The following NLRC3 variants were observed in gnomAD, a reference collection of about 807,000 sequenced individuals.
The protein encoded by NLRC3 is NLR family CARD domain-containing protein 3.
NLRC3 carries 87 observed loss-of-function variants against 91.6 expected under a neutral mutation model. That is an observed-to-expected ratio of 0.95 (90% CI 0.80 to 1.14). NLRC3 has a LOEUF of 1.14. Among genes scored for constraint, NLRC3 ranks in the 50% most tolerant of loss-of-function variants. NLRC3 has a pLI of 0.00. For synonymous variants in NLRC3, 694 were observed against 625.3 expected (o/e 1.11, Z -1.64); for missense variants, 1,577 against 1,418.6 (o/e 1.11, Z -1.79).
At chr16:3,562,698 C>T (rs570375728) in intron 5 of NLRC3, among the ~76,000 whole-genome samples, 11 of 147,358 alleles carry the variant, frequency 7.5e-5, no homozygotes, top group Admixed American at 1.3e-4. Context: ...GATGACCAGG[C>T]GACGGGAGAG....
At position 3,563,756 on chromosome 16, in the gene NLRC3, C is replaced by G; in HGVS notation, c.1181G>C (p.Arg394Pro). Residue 394 changes from arginine to proline, a missense_variant, in exon 5 of 20, where the codon CGC becomes CCC. By Grantham distance (103) the Arg-to-Pro change is moderately radical. Coordinates refer to ENST00000359128, the MANE Select transcript of NLRC3 (RefSeq NM_178844.4). ...ACGGCCCAATGTCCCCACCATCTTG[C>G]GGCCACCATGGGCCACCTGCTCGAT... ...PRIEQVAHGG[R>P]KMVGTLGRLA... 2 of 1,613,324 alleles carry G rather than the reference C, an allele frequency of 1.2e-6. No individual in the cohort carries two copies. Among genetic ancestry groups the G allele is most frequent in the Non-Finnish European group, 1.7e-6 (2 of 1,179,726 alleles).
chr16:3,558,548 G>A (rs1363238810), intron 6 of NLRC3, among the ~76,000 whole-genome samples: 1 of 151,162 alleles, frequency 6.6e-6, no homozygotes, highest in Non-Finnish European at 1.5e-5. Flanking sequence ...AAATGGTAGA[G>A]TTATTTAAAA....
In NLRC3 at chr16:3,564,165, A is replaced by G. The variant is rs745462806; in HGVS notation, c.772T>C (p.Phe258Leu). The part of the protein sequence containing the change: ...LITNIIRGNL[F>L]PEVSIWITSR... ...GTGATCCAGATGGAAACTTCCGGAAAGAGGTTGCCACGGATGATGTTGGTG... is the reference window on the plus strand; with the variant it reads ...GTGATCCAGATGGAAACTTCCGGAAGGAGGTTGCCACGGATGATGTTGGTG... The change falls in exon 5 of 20, where the codon TTT becomes CTT. Residue 258 changes from phenylalanine (F) to leucine (L), a missense_variant. Coordinates refer to ENST00000359128, the MANE Select transcript of NLRC3 (RefSeq NM_178844.4). This position sits in a 1 kb window ranked among gnomAD's most constrained non-coding sequence, Gnocchi z 5.9. 4.3e-6 allele frequency: 7 copies of G among 1,613,674 alleles called. No individual in the cohort carries two copies. In the East Asian group the frequency reaches 6.7e-5, roughly 15 times the overall value.
chr16:3,543,665 C>A, intron 16 of NLRC3, 157 bp from the exon 17 acceptor site: 1 of 620,402 alleles, frequency 1.6e-6, no homozygotes, highest in South Asian at 1.8e-5. Flanking sequence ...CATCTCCTAC[C>A]TACACTGTCT....
chr16:3,564,066 C>T lies in NLRC3; in HGVS notation c.871G>A (p.Glu291Lys), dbSNP rs760696004. The T allele has an allele frequency of 8.1e-6, 13 of 1,613,098 alleles. No individual in the cohort carries two copies. The highest frequency in any genetic ancestry group is 4.5e-5 in the East Asian group (2 of 44,904). ...DRMTEIRGFNEEEIKVCLEQM... is the reference protein window; with the variant it reads ...DRMTEIRGFNKEEIKVCLEQM... ...TCCAAACACACCTTGATCTCCTCCTCGTTAAAGCCCCGGATCTCCGTCATC... is the reference window on the plus strand; with the variant it reads ...TCCAAACACACCTTGATCTCCTCCTTGTTAAAGCCCCGGATCTCCGTCATC... Residue 291 changes from glutamate to lysine, a missense_variant, in exon 5 of 20, where the codon GAG becomes AAG. Transcript: ENST00000359128. This position sits in a 1 kb window ranked among gnomAD's most constrained non-coding sequence, Gnocchi z 5.9.
chr16:3,572,935 C>T lies in NLRC3; in HGVS notation c.-169+4214G>A, dbSNP rs1013797566. 5.3e-5 allele frequency among the ~76,000 whole-genome samples: 8 copies of T among 150,932 alleles called. No homozygotes were observed. The South Asian group carries it at 1.3e-3, about 24-fold the overall frequency. On this transcript the variant is annotated intron_variant, in intron 1 of 19. Coordinates refer to ENST00000359128, the MANE Select transcript of NLRC3 (RefSeq NM_178844.4). ...GGCTGAGGCAGGGAATTGCTTGAACCCAGGAGGTGGAGGTTGCAGTGAGCC... is the reference window on the plus strand; with the variant it reads ...GGCTGAGGCAGGGAATTGCTTGAACTCAGGAGGTGGAGGTTGCAGTGAGCC...
intron 8 of NLRC3, 50 bp downstream of exon 8, chr16:3,556,861 T>C: frequency 7.5e-7 from 1 of 1,338,064 alleles, no homozygotes; most frequent in Non-Finnish European, 1.1e-6. Context: ...AGGAGAGGGT[T>C]TTCTGGGCCC....
intron 17 of NLRC3, 145 bp downstream of exon 17, chr16:3,543,280 G>A: frequency 3.0e-6 from 2 of 662,148 alleles, no homozygotes; most frequent in African/African-American, 1.8e-5. Flanking sequence ...ATGAAGTGGG[G>A]CTGGGAAACT....
chr16:3,565,268 C>T (rs1454958957), intron 3 of NLRC3, 51 bp downstream of exon 3: 24 of 690,564 alleles, frequency 3.5e-5, no homozygotes, highest in Non-Finnish European at 5.5e-5. Context: ...TGCAGGGGCC[C>T]AGTGGATGAT....
chr16:3,541,774 CA>C lies in NLRC3; in HGVS notation c.*50del. ...CCCCCCAGAAGTCGGCCTTTCTGTT[CA>C]AAAGCTTCCAGCTGAGCATCTGCCC... is the stretch of plus-strand genomic sequence containing the variant. On this transcript the variant is annotated 3_prime_UTR_variant, in exon 20 of 20. Transcript: ENST00000359128. The C allele has an allele frequency of 7.6e-7, 1 of 1,319,564 alleles. No homozygotes were observed. Among genetic ancestry groups the C allele is most frequent in the Non-Finnish European group, 1.1e-6 (1 of 924,874 alleles). 81.7% of individuals were successfully genotyped at this position (1,319,564 alleles called of 1,614,324 possible).
chr16:3,560,378 G>A (rs1179342036), intron 6 of NLRC3, among the ~76,000 whole-genome samples: 4 of 151,960 alleles, frequency 2.6e-5, no homozygotes, highest in Non-Finnish European at 5.9e-5. Flanking sequence ...AGCCAAGATC[G>A]TGCCACTGCA....
chr16:3,567,327 A>C lies in NLRC3; in HGVS notation c.-168-3T>G, dbSNP rs887398671. ...TCAGCCTTCCGTTGTCCACAGTTCTAGGAGAAAAAACACAATGTGGCCAGC... is the reference window on the plus strand; with the variant it reads ...TCAGCCTTCCGTTGTCCACAGTTCTCGGAGAAAAAACACAATGTGGCCAGC... On this transcript the variant is annotated splice_polypyrimidine_tract_variant and splice_region_variant and intron_variant, in intron 1 of 19. Coordinates refer to ENST00000359128, the MANE Select transcript of NLRC3 (RefSeq NM_178844.4). 6.6e-6 allele frequency: 1 copy of C among 152,206 alleles called. No homozygotes were observed. Among genetic ancestry groups the C allele is most frequent in the Admixed American group, 6.6e-5 (1 of 15,264 alleles). The allele number at this position is 152,206 out of a possible 1,614,324, so 9.4% of individuals were successfully genotyped here.
intron 15 of NLRC3, among the ~76,000 whole-genome samples, chr16:3,547,604 GTGTATATA>G (rs1233696109): frequency 1.3e-5 from 2 of 152,030 alleles, no homozygotes; most frequent in African/African-American, 2.4e-5. Context: ...ATATATGTAT[GTGTATATA>G]TGTATATGTG....
chr16:3,550,332 C>A (rs1397460919), intron 11 of NLRC3, 82 bp downstream of exon 11: 12 of 876,416 alleles, frequency 1.4e-5, no homozygotes, highest in Non-Finnish European at 2.3e-5. Context: ...CCCTGGGGGA[C>A]AGCCATTTTT....
Position 3,577,261 on chromosome 16 carries a change from G to GGAATCCCTGTGGCA in NLRC3, c.-282_-281insTGCCACAGGGATTC. 1 of 699,836 alleles carries GGAATCCCTGTGGCA rather than the reference G, an allele frequency of 1.4e-6. No homozygotes were observed. Among genetic ancestry groups the GGAATCCCTGTGGCA allele is most frequent in the African/African-American group, 1.7e-5 (1 of 57,322 alleles). 43.4% of individuals were successfully genotyped at this position (699,836 alleles called of 1,614,324 possible). A position where few individuals can be genotyped will look rare whatever the true frequency, so the allele number is the denominator to read the frequency against. On this transcript the variant is annotated 5_prime_UTR_variant, in exon 1 of 20. Transcript: ENST00000359128. Reference sequence around the variant, plus strand: ...CAGCTGCGTGGTGGTAGATGCCCTGGGAATCCCTGTGCCAGCCTGAGTTCT... The same window carrying GGAATCCCTGTGGCA: ...CAGCTGCGTGGTGGTAGATGCCCTGGGAATCCCTGTGGCAGAATCCCTGTGCCAGCCTGAGTTCT...
rs1301713954 is a variant in NLRC3, at chr16:3,543,475, G to C, written c.2889C>G (p.Ala963=). ...CAGCCAAGGCTTCCCCTAGCACCTG[G>C]GCGCCTGAAGCACCAATTGAGGCCA... The part of the protein sequence containing the change: ...LQVASIGASG[A]QVLGEALAVN... Residue 963 remains alanine (A), a synonymous_variant, in exon 17 of 20, where the codon GCC becomes GCG. Coordinates refer to ENST00000359128, the MANE Select transcript of NLRC3 (RefSeq NM_178844.4). The C allele has an allele frequency of 1.9e-6, 3 of 1,613,288 alleles. No individual in the cohort carries two copies. In the South Asian group the frequency reaches 3.3e-5, roughly 18 times the overall value.
chr16:3,555,298 A>C (rs1345569114), intron 8 of NLRC3, among the ~76,000 whole-genome samples: 1 of 152,170 alleles, frequency 6.6e-6, no homozygotes, highest in Non-Finnish European at 1.5e-5. Flanking sequence ...ACACGGATGA[A>C]GCTTAAAAAC....
chr16:3,547,700 ACT>A (rs1378682286), intron 15 of NLRC3, among the ~76,000 whole-genome samples: 2 of 151,014 alleles, frequency 1.3e-5, no homozygotes, highest in East Asian at 1.9e-4. Flanking sequence ...ACAGGGTCTC[ACT>A]CTGTCGCCCA....
chr16:3,569,668 G>A (rs1193348460), intron 1 of NLRC3, among the ~76,000 whole-genome samples: 2 of 151,840 alleles, frequency 1.3e-5, no homozygotes, highest in African/African-American at 4.8e-5. Flanking sequence ...AAAGTGCTCG[G>A]ATTGTAGGTG....
Sources: gnomAD v4.1 joint callset for allele counts (sites outside exome capture counted in the v4.1 genomes callset) on GRCh38, gnomAD v4.1.1 for gene constraint, Gnocchi (gnomAD v3.1) non-coding constraint, MANE v1.5 for transcripts, NCBI Gene and HGNC (gene_info 2026-07-23, HGNC 2026-07-21) for gene names.